The following SSH2 variants were observed in gnomAD, a reference collection of about 807,000 sequenced individuals.
The protein encoded by SSH2 is protein phosphatase Slingshot homolog 2.
A neutral mutation model predicts 135.2 loss-of-function variants in SSH2; 37 were observed. The ratio of observed to expected loss-of-function variants is 0.27; its 90% confidence interval spans 0.21 to 0.36. SSH2 has a LOEUF of 0.36. Ranked by LOEUF, SSH2 falls within the 10% of genes least tolerant of loss-of-function variation. SSH2 has a pLI of 1.00. For missense variants in SSH2, 1,408 were observed against 1,765.3 expected (o/e 0.80, Z 3.63); for synonymous variants, 628 against 646.2 (o/e 0.97, Z 0.43).
rs2035907341 is a variant in SSH2 at position 29,636,193 on chromosome 17, A to G, written c.2037T>C (p.Phe679=). ...ISDFSTDRID[F]FSALEKFVEL... is the part of the protein sequence containing the mutation. ...CCACAAACTTCTCTAGGGCACTAAA[A>G]AAGTCAATGCGATCTGTACTGAAAT... Residue 679 remains phenylalanine, a synonymous_variant, in exon 15 of 16, where the codon TTT becomes TTC. Coordinates refer to ENST00000540801, the MANE Select transcript of SSH2 (RefSeq NM_001282129.2). 3.7e-6 allele frequency: 6 copies of G among 1,614,166 alleles called. No individual in the cohort carries two copies. Among genetic ancestry groups the G allele is most frequent in the Non-Finnish European group, 5.1e-6 (6 of 1,180,028 alleles).
At chr17:29,808,476 T>C (rs2042386561) in intron 2 of SSH2, among the ~76,000 whole-genome samples, 1 of 152,234 alleles carries the variant, frequency 6.6e-6, no homozygotes, top group South Asian at 2.1e-4. Context: ...AGTTATACTT[T>C]GGGAGTCTGG....
rs770836134 is a variant in SSH2 at position 29,841,892 on chromosome 17, A to ATTTT, written c.144+6953_144+6956dup. Among the ~76,000 whole-genome samples, 218 of 99,600 alleles carry ATTTT rather than the reference A, an allele frequency of 2.2e-3. 2 individuals carry two copies. The highest frequency in any genetic ancestry group is 3.2e-3 in the East Asian group (10 of 3,146). 65.3% of individuals were successfully genotyped at this position (99,600 alleles called of 152,430 possible). A position where few individuals can be genotyped will look rare whatever the true frequency, so the allele number is the denominator to read the frequency against. ...TAGGAGTACACCACCCCCTTGGCTA[A>ATTTT]TTTTTTTTTTTTTTTTTTTTTTGTA... is the stretch of plus-strand genomic sequence containing the variant. On this transcript the variant is annotated intron_variant, in intron 2 of 15. Transcript: ENST00000540801.
At chr17:29,653,787 C>T (rs897067374) in intron 12 of SSH2, among the ~76,000 whole-genome samples, 17 of 152,106 alleles carry the variant, frequency 1.1e-4, no homozygotes, top group Admixed American at 2.0e-4. Context: ...AGGGTTTCAC[C>T]ATGTTAGCCA....
chr17:29,736,028 C>T (rs1394769464), intron 3 of SSH2, among the ~76,000 whole-genome samples: 1 of 150,186 alleles, frequency 6.7e-6, no homozygotes, highest in Non-Finnish European at 1.5e-5. Flanking sequence ...ACCCAGGAGG[C>T]GGAGGTTGCA....
chr17:29,826,615 T>TA (rs2042748679), intron 2 of SSH2, among the ~76,000 whole-genome samples: 1 of 152,224 alleles, frequency 6.6e-6, no homozygotes, highest in South Asian at 2.1e-4. Context: ...TTCTTATTCT[T>TA]AGGTAGACTG....
chr17:29,635,995 T>G lies in SSH2; in HGVS notation c.2235A>C (p.Glu745Asp). 1 of 1,613,242 alleles carries G rather than the reference T, an allele frequency of 6.2e-7. No homozygotes were observed. Among genetic ancestry groups the G allele is most frequent in the Non-Finnish European group, 8.5e-7 (1 of 1,179,286 alleles). ...TTGACTGTTCCTCATCCATTGAAGA[T>G]TCTTCTGATGCATGGGGAGTATTAC... Reference protein sequence around the residue: ...SLSNTPHASEESSMDEEQSKA... With the variant: ...SLSNTPHASEDSSMDEEQSKA... The change falls in exon 15 of 16, where the codon GAA becomes GAC. Residue 745 changes from glutamate (E) to aspartate (D), a missense_variant. Coordinates refer to ENST00000540801, the MANE Select transcript of SSH2 (RefSeq NM_001282129.2).
intron 4 of SSH2, among the ~76,000 whole-genome samples, chr17:29,696,886 G>A (rs560811672): frequency 1.3e-5 from 2 of 151,656 alleles, no homozygotes; most frequent in African/African-American, 4.8e-5. Flanking sequence ...GGGTTTCACC[G>A]TGTTAGCCAG....
intron 1 of SSH2, among the ~76,000 whole-genome samples, chr17:29,850,854 G>A (rs1322906460): frequency 1.3e-5 from 2 of 152,088 alleles, no homozygotes; most frequent in Non-Finnish European, 2.9e-5. Flanking sequence ...GTGTGGTGGC[G>A]GGCGCCTGCA....
In SSH2 at chr17:29,710,803, G is replaced by A. The variant is rs147459724; in HGVS notation, c.189-7741C>T. On this transcript the variant is annotated intron_variant, in intron 3 of 15. Transcript: ENST00000540801. ...ACTGTTCCTTGATGTATGCAACCTG[G>A]CTTCAAAAGTCAAAAGTACACCTCT... is the stretch of plus-strand genomic sequence containing the variant. Among the ~76,000 whole-genome samples, 5 of 152,304 alleles carry A rather than the reference G, an allele frequency of 3.3e-5. No individual in the cohort carries two copies. In the East Asian group the frequency reaches 7.7e-4, roughly 23 times the overall value.
intron 2 of SSH2, among the ~76,000 whole-genome samples, chr17:29,819,065 A>G (rs915306859): frequency 6.6e-6 from 1 of 152,090 alleles, no homozygotes; most frequent in Admixed American, 6.6e-5. Flanking sequence ...CGTCTCTACT[A>G]AAAATACAAA....
At chr17:29,860,903 G>A (rs966915631) in intron 1 of SSH2, among the ~76,000 whole-genome samples, 5 of 151,204 alleles carry the variant, frequency 3.3e-5, no homozygotes, top group Non-Finnish European at 5.9e-5. Flanking sequence ...GTGCCATGAC[G>A]CCCGGCTAAT....
intron 3 of SSH2, among the ~76,000 whole-genome samples, chr17:29,709,015 T>TATATATATATATATATATATAGAGAG (rs780981175): frequency 3.7e-5 from 3 of 81,592 alleles, no homozygotes; most frequent in African/African-American, 4.1e-5. Context: ...TATATATATA[T>TATATATATATATATATATATAGAGAG]AGAGAGAGAG....
At chr17:29,829,988 C>T (rs1359140793) in intron 2 of SSH2, among the ~76,000 whole-genome samples, 1 of 151,846 alleles carries the variant, frequency 6.6e-6, no homozygotes, top group African/African-American at 2.4e-5. Context: ...TACAGGTGCC[C>T]GCCACCTCAC....
At chr17:29,772,944 C>T (rs749047255) in intron 3 of SSH2, among the ~76,000 whole-genome samples, 23 of 152,042 alleles carry the variant, frequency 1.5e-4, no homozygotes, top group Non-Finnish European at 3.1e-4. Context: ...ACCAGTATCC[C>T]GGTGTCTCCA....
At chr17:29,896,554 T>C (rs1055668344) in intron 1 of SSH2, among the ~76,000 whole-genome samples, 4 of 150,666 alleles carry the variant, frequency 2.7e-5, no homozygotes, top group African/African-American at 9.7e-5. Context: ...TTTAAATATA[T>C]TTTGGCATTT....
intron 6 of SSH2, among the ~76,000 whole-genome samples, chr17:29,682,882 G>A (rs951766544): frequency 6.6e-6 from 1 of 152,100 alleles, no homozygotes; most frequent in African/African-American, 2.4e-5. Flanking sequence ...TCCTAAATCT[G>A]GTTTACAAGC....
At chr17:29,787,878 G>C (rs2041997459) in intron 3 of SSH2, 1 of 152,036 alleles carries the variant, frequency 6.6e-6, no homozygotes. Flanking sequence ...ACAGGTGTGT[G>C]ACACCACACC....
chr17:29,702,831 G>A (rs772082023), intron 4 of SSH2, 128 bp downstream of exon 4: 7 of 751,912 alleles, frequency 9.3e-6, no homozygotes, highest in Admixed American at 2.5e-5. Context: ...AAGTCATTAC[G>A]GCCCTGTACA....
intron 3 of SSH2, among the ~76,000 whole-genome samples, chr17:29,720,024 G>T (rs963566775): frequency 6.6e-6 from 1 of 152,176 alleles, no homozygotes; most frequent in African/African-American, 2.4e-5. Flanking sequence ...CTACTAAAGT[G>T]CTGGGATTAC....
Sources: gnomAD v4.1 joint callset for allele counts (sites outside exome capture counted in the v4.1 genomes callset) on GRCh38, gnomAD v4.1.1 for gene constraint, MANE v1.5 for transcripts, NCBI Gene and HGNC (gene_info 2026-07-23, HGNC 2026-07-21) for gene names.